Variants in PGCKA1 observed in about 807,000 individuals in gnomAD.
PGCKA1 encodes the protein PDCD10 and GCKIII kinases associated 1, also known as PDCD10 and GCKIII kinases-associated protein 1.
the PGCKA1 span, chr4:37,460,350 C>T: frequency 3.8e-6 from 1 of 264,562 alleles, no homozygotes; most frequent in Non-Finnish European, 7.5e-6. Context: ...TGGGTATATA[C>T]CCAATAATGA....
At chr4:37,516,477 G>A in the PGCKA1 span, among the ~76,000 whole-genome samples, 1 of 152,154 alleles carries the variant, frequency 6.6e-6, no homozygotes, top group Non-Finnish European at 1.5e-5. Flanking sequence ...ACCATATGAT[G>A]CATCAAATAG....
At chr4:37,513,366 T>C in the PGCKA1 span, among the ~76,000 whole-genome samples, 3 of 152,328 alleles carry the variant, frequency 2.0e-5, no homozygotes, top group East Asian at 5.8e-4. Context: ...TTTCTTACTG[T>C]TCTGGAAGGT....
the PGCKA1 span, among the ~76,000 whole-genome samples, chr4:37,566,966 A>G: frequency 3.0e-4 from 45 of 152,106 alleles, no homozygotes; most frequent in Non-Finnish European, 4.9e-4. Flanking sequence ...AATTGATGCA[A>G]CTGCACCTAT....
At chr4:37,571,174 C>A in the PGCKA1 span, among the ~76,000 whole-genome samples, 1 of 152,084 alleles carries the variant, frequency 6.6e-6, no homozygotes, top group African/African-American at 2.4e-5. Flanking sequence ...CAAAGTCCCC[C>A]TCTAAGATGC....
the PGCKA1 span, among the ~76,000 whole-genome samples, chr4:37,571,351 T>G: frequency 6.6e-4 from 93 of 141,018 alleles, no homozygotes; most frequent in African/African-American, 2.4e-3. Flanking sequence ...TAGAGACTAT[T>G]ATCCTTTTTT....
At chr4:37,469,366 G>A in the PGCKA1 span, among the ~76,000 whole-genome samples, 69 of 152,166 alleles carry the variant, frequency 4.5e-4, no homozygotes, top group African/African-American at 8.7e-4. Context: ...TGTTCTTTTC[G>A]CAAATGCAGA....
chr4:37,557,647 A>G, the PGCKA1 span, among the ~76,000 whole-genome samples: 1 of 152,208 alleles, frequency 6.6e-6, no homozygotes, highest in Admixed American at 6.5e-5. Context: ...GTTTCAACAT[A>G]TGAATTTGCA....
the PGCKA1 span, chr4:37,591,199 TGA>T: frequency 7.7e-6 from 4 of 520,196 alleles, no homozygotes; most frequent in East Asian, 3.1e-5. Context: ...TCTGTGTAGA[TGA>T]GCTGTCATTC....
chr4:37,590,665 A>T, the PGCKA1 span: 15 of 1,613,994 alleles, frequency 9.3e-6, no homozygotes, highest in African/African-American at 1.3e-5. Context: ...TCATAATGAA[A>T]AGGACTGTGT....
chr4:37,470,558 CAAA>C, the PGCKA1 span, among the ~76,000 whole-genome samples: 59 of 152,234 alleles, frequency 3.9e-4, 1 homozygote, highest in South Asian at 0.012. Context: ...TAAATACTTG[CAAA>C]TGCATGAATT....
chr4:37,562,862 T>G, the PGCKA1 span, among the ~76,000 whole-genome samples: 1 of 152,190 alleles, frequency 6.6e-6, no homozygotes, highest in Non-Finnish European at 1.5e-5. Flanking sequence ...GTTGCCTGAA[T>G]GGTTGGTGAG....
chr4:37,461,142 T>C, the PGCKA1 span: 3 of 183,540 alleles, frequency 1.6e-5, no homozygotes, highest in African/African-American at 2.4e-5. Context: ...GATCAGATGG[T>C]TGTAGATGTG....
At chr4:37,537,583 T>TC in the PGCKA1 span, among the ~76,000 whole-genome samples, 1 of 152,188 alleles carries the variant, frequency 6.6e-6, no homozygotes, top group South Asian at 2.1e-4. Context: ...ACATTACCTT[T>TC]CTTCAGTCCT....
At chr4:37,496,261 T>C in the PGCKA1 span, among the ~76,000 whole-genome samples, 1 of 152,240 alleles carries the variant, frequency 6.6e-6, no homozygotes, top group Non-Finnish European at 1.5e-5. Flanking sequence ...GTTTTACATT[T>C]AAGTCTTCAA....
chr4:37,521,076 T>G, the PGCKA1 span, among the ~76,000 whole-genome samples: 37 of 152,310 alleles, frequency 2.4e-4, no homozygotes, highest in African/African-American at 7.9e-4. Context: ...TCCTCTGATC[T>G]TCATTATTTA....
At chr4:37,460,936 C>G in the PGCKA1 span, 1 of 379,376 alleles carries the variant, frequency 2.6e-6, no homozygotes, top group Non-Finnish European at 5.1e-6. Flanking sequence ...GTGGTATTGC[C>G]TAGATTCTCT....
chr4:37,487,833 T>C, the PGCKA1 span, among the ~76,000 whole-genome samples: 1 of 152,212 alleles, frequency 6.6e-6, no homozygotes, highest in Non-Finnish European at 1.5e-5. Flanking sequence ...TTGTGTTTTG[T>C]TGATGTTGCA....
chr4:37,542,493 T>G, the PGCKA1 span, among the ~76,000 whole-genome samples: 1 of 152,218 alleles, frequency 6.6e-6, no homozygotes, highest in South Asian at 2.1e-4. Flanking sequence ...TGTTTAATGT[T>G]GTACTTGAAT....
the PGCKA1 span, among the ~76,000 whole-genome samples, chr4:37,511,574 G>C: frequency 9.0e-6 from 1 of 110,692 alleles, no homozygotes; most frequent in Non-Finnish European, 1.9e-5. Flanking sequence ...TGCTATCCAA[G>C]ATGCAAGACA....
Sources: gnomAD v4.1 joint callset for allele counts (sites outside exome capture counted in the v4.1 genomes callset) on GRCh38, gnomAD v4.1.1 for gene constraint, MANE v1.5 for transcripts, NCBI Gene and HGNC (gene_info 2026-07-23, HGNC 2026-07-21) for gene names.